Variants in NCKAP5 observed in about 807,000 individuals in gnomAD.
The protein encoded by NCKAP5 is nck-associated protein 5.
A neutral mutation model predicts 167.0 loss-of-function variants in NCKAP5; 92 were observed. That is an observed-to-expected ratio of 0.55 (90% CI 0.47 to 0.66). The LOEUF (loss-of-function observed/expected upper bound fraction) is 0.66, where lower values mean the gene tolerates loss of function less well. Ranked by LOEUF, NCKAP5 falls within the 30% of genes least tolerant of loss-of-function variation. The pLI, the probability that NCKAP5 is intolerant of heterozygous loss-of-function variation, is 0.00. For synonymous variants in NCKAP5, 891 were observed against 877.4 expected, an observed-to-expected ratio of 1.02 and a Z score of -0.27; for missense variants, 2,378 against 2,315.0, an observed-to-expected ratio of 1.03 and a Z score of -0.56.
intron 19 of NCKAP5, among the ~76,000 whole-genome samples, chr2:132,704,611 T>C (rs1688181152): frequency 6.6e-6 from 1 of 152,296 alleles, no homozygotes; most frequent in South Asian, 2.1e-4. Context: ...AACTCAACAG[T>C]CCTTTGGAAT....
intron 6 of NCKAP5, among the ~76,000 whole-genome samples, chr2:133,077,021 T>C (rs1472581894): frequency 6.6e-6 from 1 of 152,174 alleles, no homozygotes; most frequent in African/African-American, 2.4e-5. Flanking sequence ...AATGATAGTC[T>C]AGTTGTTTAA....
chr2:133,492,089 T>C (rs895954275), intron 3 of NCKAP5, among the ~76,000 whole-genome samples: 1 of 151,474 alleles, frequency 6.6e-6, no homozygotes. Context: ...CTCTGATGCA[T>C]CTCCCATCCT....
At chr2:133,111,273 A>C (rs961951116) in intron 6 of NCKAP5, among the ~76,000 whole-genome samples, 1 of 152,188 alleles carries the variant, frequency 6.6e-6, no homozygotes, top group African/African-American at 2.4e-5. Flanking sequence ...CTCTAAAAGC[A>C]GATTGTTGCT....
intron 6 of NCKAP5, among the ~76,000 whole-genome samples, chr2:133,048,526 G>C (rs1330654201): frequency 6.6e-6 from 1 of 152,120 alleles, no homozygotes; most frequent in Non-Finnish European, 1.5e-5. Flanking sequence ...ATGGATACTT[G>C]TTTGTATCAT....
intron 3 of NCKAP5, among the ~76,000 whole-genome samples, chr2:133,418,047 G>A (rs1689232113): frequency 1.3e-5 from 2 of 152,158 alleles, no homozygotes; most frequent in South Asian, 4.1e-4. Flanking sequence ...GATGTAGGGA[G>A]TCAATAGGAA....
chr2:132,989,451 G>A (rs1429563346), intron 7 of NCKAP5, among the ~76,000 whole-genome samples: 2 of 152,106 alleles, frequency 1.3e-5, no homozygotes, highest in African/African-American at 4.8e-5. Context: ...GACCCGGGAG[G>A]TGCTTTTCCT....
chr2:132,764,430 C>T (rs911568817), intron 16 of NCKAP5, among the ~76,000 whole-genome samples: 1 of 152,198 alleles, frequency 6.6e-6, no homozygotes, highest in African/African-American at 2.4e-5. Context: ...TTGAGTTTAT[C>T]ACTTATAGTT....
intron 5 of NCKAP5, among the ~76,000 whole-genome samples, chr2:133,191,013 T>A (rs4954043): frequency 0.33 from 50,503 of 151,770 alleles, 9,193 homozygotes; most frequent in East Asian, 0.66. Flanking sequence ...AATTTTTGCA[T>A]TCTACCCATC....
intron 3 of NCKAP5, among the ~76,000 whole-genome samples, chr2:133,484,037 G>A (rs952632557): frequency 2.6e-5 from 4 of 152,248 alleles, no homozygotes; most frequent in African/African-American, 9.6e-5. Flanking sequence ...GAATCATTTG[G>A]CTATTATTTT....
intron 19 of NCKAP5, among the ~76,000 whole-genome samples, chr2:132,721,239 C>T (rs1313399079): frequency 1.3e-5 from 2 of 151,924 alleles, no homozygotes; most frequent in African/African-American, 2.4e-5. Flanking sequence ...ACCCAAGAGA[C>T]GGAGGTTGCA....
At chr2:133,226,078 G>A (rs2086874835) in intron 4 of NCKAP5, among the ~76,000 whole-genome samples, 1 of 150,536 alleles carries the variant, frequency 6.6e-6, no homozygotes, top group African/African-American at 2.5e-5. Flanking sequence ...ACAGCCGTGA[G>A]CCACGGTGCC....
At chr2:133,356,259 T>A (rs1332524925) in intron 3 of NCKAP5, among the ~76,000 whole-genome samples, 1 of 152,156 alleles carries the variant, frequency 6.6e-6, no homozygotes, top group Non-Finnish European at 1.5e-5. Flanking sequence ...AAATCCCATC[T>A]CAGACCTGTG....
At chr2:132,898,186 C>T (rs753523450) in intron 8 of NCKAP5, among the ~76,000 whole-genome samples, 4 of 152,200 alleles carry the variant, frequency 2.6e-5, no homozygotes, top group Non-Finnish European at 4.4e-5. Flanking sequence ...GACTCTTCAC[C>T]AGGAGCAGAT....
chr2:132,974,853 T>A (rs1023448019), intron 7 of NCKAP5, among the ~76,000 whole-genome samples: 1 of 152,212 alleles, frequency 6.6e-6, no homozygotes, highest in Non-Finnish European at 1.5e-5. Context: ...TAGTTAATGA[T>A]GACACAATTA....
At chr2:133,328,514 T>C (rs1353194052) in intron 3 of NCKAP5, among the ~76,000 whole-genome samples, 1 of 152,226 alleles carries the variant, frequency 6.6e-6, no homozygotes, top group African/African-American at 2.4e-5. Context: ...TTCTGACTTG[T>C]GGTGCCACCA....
intron 4 of NCKAP5, among the ~76,000 whole-genome samples, chr2:133,271,227 C>T (rs566353266): frequency 2.0e-5 from 3 of 152,002 alleles, no homozygotes; most frequent in Non-Finnish European, 2.9e-5. Flanking sequence ...CCACTGCACC[C>T]GGCCTTGTTG....
At chr2:133,053,131 C>A (rs1435746247) in intron 6 of NCKAP5, among the ~76,000 whole-genome samples, 2 of 152,178 alleles carry the variant, frequency 1.3e-5, no homozygotes, top group Non-Finnish European at 2.9e-5. Context: ...CCCCTCCTGC[C>A]CTTCATTTGG....
At position 132,783,885 on chromosome 2, in the gene NCKAP5, C is replaced by T; in HGVS notation, c.2926G>A (p.Gly976Arg). The change falls in exon 14 of 20, where the codon GGA becomes AGA. Residue 976 changes from glycine (G) to arginine (R), a missense_variant. Physicochemically the swap from Gly to Arg is moderately radical, Grantham distance 125. Transcript: ENST00000409261. ...GAAGAAATAACTGGAGCAGAAATTC[C>T]TTTCAGCAGCGGGGATTTGAATGGG... ...RTPFKSPLLK[G>R]ISAPVISSNP... is the part of the protein sequence containing the mutation. 1 of 1,537,424 alleles carries T rather than the reference C, an allele frequency of 6.5e-7. No individual in the cohort carries two copies. The highest frequency in any genetic ancestry group is 8.7e-7 in the Non-Finnish European group (1 of 1,145,766).
intron 3 of NCKAP5, among the ~76,000 whole-genome samples, chr2:133,465,988 T>C (rs943104515): frequency 2.4e-4 from 36 of 152,066 alleles, no homozygotes; most frequent in African/African-American, 8.4e-4. Context: ...TAGTTTCTTT[T>C]GCTGTGCAGA....
Sources: allele counts gnomAD v4.1 joint callset (sites outside exome capture counted in the v4.1 genomes callset), GRCh38; gene constraint gnomAD v4.1.1; transcripts MANE v1.5; gene names NCBI Gene and HGNC (gene_info 2026-07-23, HGNC 2026-07-21).